The following RANBP2 variants were observed in gnomAD, a reference collection of about 807,000 sequenced individuals.
RANBP2 encodes RAN binding protein 2.
Under a neutral mutation model 303.6 loss-of-function variants are expected in RANBP2, and 57 were observed. That is an observed-to-expected ratio of 0.19 (90% confidence interval 0.15 to 0.23). The LOEUF (loss-of-function observed/expected upper bound fraction) is 0.23, where lower values mean the gene tolerates loss of function less well. Ranked by LOEUF, RANBP2 falls within the 10% of genes least tolerant of loss-of-function variation. The probability of loss-of-function intolerance (pLI) is 1.00; values close to 1 mark genes in which losing one functional copy is unlikely to be tolerated. For missense variants in RANBP2, 3,138 were observed against 3,780.8 expected (o/e 0.83, Z 4.46); for synonymous variants, 1,167 against 1,301.5 (o/e 0.90, Z 2.23).
At chr2:109,636,309 A>AT in the RANBP2 span, among the ~76,000 whole-genome samples, 34 of 151,102 alleles carry the variant, frequency 2.3e-4, no homozygotes, top group African/African-American at 5.1e-4. Context: ...GCATACCAAG[A>AT]TTTTTTTTTT....
the RANBP2 span, among the ~76,000 whole-genome samples, chr2:108,939,749 C>T: frequency 1.3e-5 from 2 of 152,232 alleles, no homozygotes; most frequent in Non-Finnish European, 2.9e-5. Flanking sequence ...CAATGGGCTA[C>T]TGTGCTGGGT....
At chr2:109,129,612 G>A in the RANBP2 span, 3 of 1,485,494 alleles carry the variant, frequency 2.0e-6, no homozygotes, top group Non-Finnish European at 1.8e-6. Context: ...AGGGCGACGA[G>A]GACAGGCCAG....
At chr2:109,184,298 A>G in the RANBP2 span, among the ~76,000 whole-genome samples, 1 of 152,166 alleles carries the variant, frequency 6.6e-6, no homozygotes, top group African/African-American at 2.4e-5. Flanking sequence ...CCTTACTTCA[A>G]ATGACCAAGT....
the RANBP2 span, among the ~76,000 whole-genome samples, chr2:109,422,450 C>T: frequency 6.6e-6 from 1 of 152,198 alleles, no homozygotes; most frequent in South Asian, 2.1e-4. Context: ...CTTGCCCCTT[C>T]TTCCAGCATG....
the RANBP2 span, among the ~76,000 whole-genome samples, chr2:109,704,657 C>T: frequency 6.6e-6 from 1 of 151,988 alleles, no homozygotes; most frequent in African/African-American, 2.4e-5. Context: ...CGAGAACAGC[C>T]TGACTAACGT....
chr2:109,210,692 A>G, the RANBP2 span, among the ~76,000 whole-genome samples: 1 of 152,168 alleles, frequency 6.6e-6, no homozygotes, highest in African/African-American at 2.4e-5. Context: ...AGGCCCAGGA[A>G]GGAGGTTGGG....
the RANBP2 span, among the ~76,000 whole-genome samples, chr2:109,355,038 C>T: frequency 3.9e-5 from 6 of 152,300 alleles, no homozygotes; most frequent in South Asian, 2.1e-4. Flanking sequence ...ACAGCTCAGG[C>T]TTACAATCCT....
At chr2:108,871,057 CATT>C in the RANBP2 span, among the ~76,000 whole-genome samples, 2 of 152,018 alleles carry the variant, frequency 1.3e-5, no homozygotes, top group Admixed American at 6.5e-5. Flanking sequence ...AAATAGCCGT[CATT>C]AATGTTAGGT....
chr2:109,147,350 T>G, the RANBP2 span, among the ~76,000 whole-genome samples: 1 of 152,218 alleles, frequency 6.6e-6, no homozygotes, highest in African/African-American at 2.4e-5. Flanking sequence ...CGAGACTATC[T>G]CTGCGCTGAT....
the RANBP2 span, among the ~76,000 whole-genome samples, chr2:109,377,142 T>C: frequency 2.0e-5 from 3 of 152,220 alleles, no homozygotes; most frequent in Non-Finnish European, 2.9e-5. Context: ...ATTCTTGGCG[T>C]TTCCCATTGA....
the RANBP2 span, among the ~76,000 whole-genome samples, chr2:108,880,997 A>G: frequency 1.4e-4 from 22 of 152,262 alleles, no homozygotes; most frequent in African/African-American, 4.8e-4. Flanking sequence ...GTTGATTCCA[A>G]TACTCACGAA....
the RANBP2 span, among the ~76,000 whole-genome samples, chr2:109,300,054 A>C: frequency 2.0e-5 from 3 of 152,196 alleles, no homozygotes; most frequent in Non-Finnish European, 4.4e-5. Context: ...TGGGTGAGTG[A>C]ATGAACAAAG....
the RANBP2 span, among the ~76,000 whole-genome samples, chr2:109,306,488 A>G: frequency 3.3e-5 from 5 of 152,166 alleles, no homozygotes; most frequent in African/African-American, 9.7e-5. Context: ...AGCAGGTGCC[A>G]TGGAGGGGCA....
At chr2:108,946,904 T>G in the RANBP2 span, among the ~76,000 whole-genome samples, 2 of 151,874 alleles carry the variant, frequency 1.3e-5, no homozygotes, top group African/African-American at 2.4e-5. Context: ...ATCTTTTTTT[T>G]CACATTTCAA....
At chr2:108,940,567 C>T in the RANBP2 span, among the ~76,000 whole-genome samples, 1 of 152,260 alleles carries the variant, frequency 6.6e-6, no homozygotes, top group Admixed American at 6.5e-5. Context: ...GAGGTGAGAG[C>T]AGCCAGGCTC....
chr2:109,291,726 C>T, the RANBP2 span, among the ~76,000 whole-genome samples: 6 of 152,328 alleles, frequency 3.9e-5, no homozygotes, highest in Non-Finnish European at 7.4e-5. Context: ...CCAAGCCAGG[C>T]TTATCCGCAG....
the RANBP2 span, among the ~76,000 whole-genome samples, chr2:109,636,817 A>G: frequency 6.6e-6 from 1 of 151,978 alleles, no homozygotes; most frequent in Non-Finnish European, 1.5e-5. Context: ...GGGCACCTAT[A>G]ATCCCAGCTA....
At chr2:109,359,040 T>C in the RANBP2 span, among the ~76,000 whole-genome samples, 8 of 152,242 alleles carry the variant, frequency 5.3e-5, no homozygotes, top group African/African-American at 1.7e-4. Context: ...AAAACTATCT[T>C]TTCTCCATTG....
chr2:109,003,859 A>ACT, the RANBP2 span, among the ~76,000 whole-genome samples: 1 of 152,148 alleles, frequency 6.6e-6, no homozygotes, highest in South Asian at 2.1e-4. Flanking sequence ...TTATATGAAG[A>ACT]GACACCAGCA....
Sources: gnomAD v4.1 joint callset for allele counts (sites outside exome capture counted in the v4.1 genomes callset) on GRCh38, gnomAD v4.1.1 for gene constraint, MANE v1.5 for transcripts, NCBI Gene and HGNC (gene_info 2026-07-23, HGNC 2026-07-21) for gene names.